LSAMP: variants seen among roughly 807,000 people sequenced by gnomAD.
LSAMP encodes limbic system-associated membrane protein.
LSAMP carries 7 observed loss-of-function variants against 38.6 expected under a neutral mutation model. The ratio of observed to expected loss-of-function variants is 0.18; its 90% confidence interval spans 0.10 to 0.34. The LOEUF (loss-of-function observed/expected upper bound fraction) is 0.34, where lower values mean the gene tolerates loss of function less well. Among genes scored for constraint, LSAMP ranks in the 10% least tolerant of loss-of-function variants. The pLI is 1.00. For missense variants in LSAMP, 313 were observed against 420.0 expected, an observed-to-expected ratio of 0.75 and a Z score of 2.23; for synonymous variants, 154 against 166.8, an observed-to-expected ratio of 0.92 and a Z score of 0.59.
chr3:116,288,758 T>C (rs750288542), intron 1 of LSAMP, among the ~76,000 whole-genome samples: 1 of 152,196 alleles, frequency 6.6e-6, no homozygotes, highest in Non-Finnish European at 1.5e-5. Flanking sequence ...AGAATTTCTT[T>C]TGCTACCAAA....
intron 3 of LSAMP, among the ~76,000 whole-genome samples, chr3:115,966,781 A>C (rs1015179708): frequency 1.3e-5 from 2 of 152,248 alleles, no homozygotes; most frequent in Non-Finnish European, 1.5e-5. Flanking sequence ...AAATTTAAAC[A>C]ATTTATTATT....
chr3:116,209,262 G>C (rs1007846905), intron 1 of LSAMP, among the ~76,000 whole-genome samples: 1 of 152,062 alleles, frequency 6.6e-6, no homozygotes, highest in Non-Finnish European at 1.5e-5. Flanking sequence ...TTTGGCTCGC[G>C]CACGGTGCGC....
At position 116,226,672 on chromosome 3, in the gene LSAMP, T is replaced by C. The variant is rs376046068; in HGVS notation, c.156-140116A>G. On this transcript the variant is annotated intron_variant, in intron 1 of 6. Transcript: ENST00000490035. The stretch of plus-strand genomic sequence containing the variant: ...GTAGTTGAACCCCTTCAAGGGTTAT[T>C]GTTCTCTCTTTGTTGTATGTGTAAT... 4.6e-5 allele frequency among the ~76,000 whole-genome samples: 7 copies of C among 152,362 alleles called. No individual in the cohort carries two copies. The East Asian group carries it at 5.8e-4, about 13-fold the overall frequency.
intron 3 of LSAMP, among the ~76,000 whole-genome samples, chr3:116,016,016 T>C (rs1049788187): frequency 2.2e-5 from 1 of 45,150 alleles, no homozygotes; most frequent in African/African-American, 2.4e-4. Context: ...AGCTAACCAT[T>C]TTTTTTTTTC....
intron 6 of LSAMP, among the ~76,000 whole-genome samples, chr3:115,813,189 T>C (rs1286895042): frequency 6.6e-6 from 1 of 152,128 alleles, no homozygotes; most frequent in Non-Finnish European, 1.5e-5. Flanking sequence ...TATACAGTCA[T>C]ATGCTACATT....
chr3:116,251,950 G>A (rs765879070), intron 1 of LSAMP, among the ~76,000 whole-genome samples: 1 of 152,116 alleles, frequency 6.6e-6, no homozygotes, highest in Non-Finnish European at 1.5e-5. Flanking sequence ...ACCAGCTGTA[G>A]GCAGCCCAAG....
chr3:116,065,177 C>A (rs1224833017), intron 2 of LSAMP, among the ~76,000 whole-genome samples: 1 of 152,102 alleles, frequency 6.6e-6, no homozygotes, highest in African/African-American at 2.4e-5. Flanking sequence ...ACTGAGCTAG[C>A]AAAGGGTTCT....
rs373738867 is a variant in LSAMP, at chr3:115,984,769, C to T, written c.514+34746G>A. On this transcript the variant is annotated intron_variant, in intron 3 of 6. Transcript: ENST00000490035. The stretch of plus-strand genomic sequence containing the variant: ...ACATAATTCATTGTAAAGACTGTTA[C>T]AGTAAAGTTATGCATACATTGCAAT... 2.9e-4 allele frequency among the ~76,000 whole-genome samples: 44 copies of T among 152,222 alleles called. 1 individual carries two copies. Among genetic ancestry groups the T allele is most frequent in the African/African-American group, 9.9e-4 (41 of 41,530 alleles).
At chr3:116,238,501 C>T (rs1438791139) in intron 1 of LSAMP, among the ~76,000 whole-genome samples, 2 of 152,162 alleles carry the variant, frequency 1.3e-5, no homozygotes, top group Non-Finnish European at 2.9e-5. Context: ...ACTAGGCAGA[C>T]AGCACATTTT....
At chr3:115,854,270 ATTATTATTATTATTTTT>A (rs1225779851) in intron 3 of LSAMP, among the ~76,000 whole-genome samples, 1 of 119,946 alleles carries the variant, frequency 8.3e-6, no homozygotes, top group African/African-American at 3.3e-5. Context: ...TATTATTATT[ATTATTATTATTATTTTT>A]TTTTTTTTTT....
chr3:115,931,322 C>T (rs764397968), intron 3 of LSAMP, among the ~76,000 whole-genome samples: 13 of 152,204 alleles, frequency 8.5e-5, no homozygotes, highest in South Asian at 2.1e-4. Context: ...CCCTCACTAA[C>T]GCTTCACTTT....
chr3:116,234,424 A>T (rs186257628), intron 1 of LSAMP, among the ~76,000 whole-genome samples: 1 of 152,120 alleles, frequency 6.6e-6, no homozygotes, highest in Admixed American at 6.5e-5. Flanking sequence ...CAGCTTAGAG[A>T]TTTCATTCAT....
intron 3 of LSAMP, among the ~76,000 whole-genome samples, chr3:115,996,316 G>A (rs1231798040): frequency 1.3e-5 from 2 of 152,074 alleles, no homozygotes; most frequent in African/African-American, 4.8e-5. Context: ...TGGTAGAATA[G>A]CATCCAGTTA....
chr3:116,368,179 C>G lies in LSAMP; in HGVS notation c.155+76698G>C, dbSNP rs1010718578. 1.2e-4 allele frequency: 18 copies of G among 152,114 alleles called. 1 individual carries two copies. The highest frequency in any genetic ancestry group is 1.2e-3 in the Admixed American group (18 of 15,272). 9.4% of individuals were successfully genotyped at this position (152,114 alleles called of 1,614,324 possible). On this transcript the variant is annotated intron_variant, in intron 1 of 6. Coordinates refer to ENST00000490035, the MANE Select transcript of LSAMP (RefSeq NM_002338.5). ...CACCAGCAAAGGCTCAGAGGGATGC[C>G]CACAGAGTTCCACCGCAACCGTGCA...
At chr3:116,095,005 AAC>A (rs1379207834) in intron 1 of LSAMP, among the ~76,000 whole-genome samples, 2 of 152,238 alleles carry the variant, frequency 1.3e-5, no homozygotes, top group African/African-American at 4.8e-5. Context: ...ATAAAAAGAA[AAC>A]AGTCATATAA....
chr3:116,255,116 G>A (rs2046733016), intron 1 of LSAMP, among the ~76,000 whole-genome samples: 1 of 151,908 alleles, frequency 6.6e-6, no homozygotes, highest in Non-Finnish European at 1.5e-5. Context: ...CTATATTTTT[G>A]TAGACAAGGC....
intron 1 of LSAMP, among the ~76,000 whole-genome samples, chr3:116,130,962 G>A (rs928333134): frequency 4.0e-5 from 6 of 149,726 alleles, no homozygotes; most frequent in Non-Finnish European, 8.9e-5. Flanking sequence ...CTTCACTTCC[G>A]GTAACAACTG....
intron 2 of LSAMP, among the ~76,000 whole-genome samples, chr3:116,034,516 C>G (rs975390950): frequency 6.6e-6 from 1 of 152,044 alleles, no homozygotes; most frequent in Non-Finnish European, 1.5e-5. Flanking sequence ...CTTGTCATAC[C>G]AGCAGAAAGC....
At chr3:116,218,677 G>C (rs1162834148) in intron 1 of LSAMP, among the ~76,000 whole-genome samples, 1 of 152,080 alleles carries the variant, frequency 6.6e-6, no homozygotes, top group Non-Finnish European at 1.5e-5. Flanking sequence ...GCCCAGGATG[G>C]AGTTCAGTGG....
Sources: allele counts gnomAD v4.1 joint callset (sites outside exome capture counted in the v4.1 genomes callset), GRCh38; gene constraint gnomAD v4.1.1; transcripts MANE v1.5; gene names NCBI Gene and HGNC (gene_info 2026-07-23, HGNC 2026-07-21).